The following PXDNL variants were observed in gnomAD, a reference collection of about 807,000 sequenced individuals.
PXDNL encodes probable oxidoreductase PXDNL.
In PXDNL, 145 loss-of-function variants were observed where a neutral mutation model predicts 150.8. The observed-to-expected ratio is 0.96, with a 90% CI of 0.84 to 1.10. The LOEUF (loss-of-function observed/expected upper bound fraction) is 1.10, where lower values mean the gene tolerates loss of function less well. PXDNL is among the 50% of genes least tolerant of loss of function. The probability of loss-of-function intolerance (pLI) is 0.00; values close to 1 mark genes in which losing one functional copy is unlikely to be tolerated. For synonymous variants in PXDNL, 757 were observed against 725.7 expected (o/e 1.04, Z -0.69); for missense variants, 2,087 against 1,873.9 (o/e 1.11, Z -2.10).
rs1186283959 is a variant in PXDNL, at chr8:51,339,746, C to T, written c.4024G>A (p.Asp1342Asn). The T allele has an allele frequency of 1.3e-6, 2 of 1,595,260 alleles. No individual in the cohort carries two copies. The highest frequency in any genetic ancestry group is 2.7e-5 in the African/African-American group (2 of 73,878). ...ELSHLRSRQQ[D>N]KIYVGEDARN... ...GCATCTTCACCCACATATATTTTAT[C>T]TTGTTGCCTATTTATAACAAGAAGC... Residue 1342 changes from aspartate to asparagine, a missense_variant, in exon 21 of 23, where the codon GAT becomes AAT. Transcript: ENST00000356297.
intron 14 of PXDNL, among the ~76,000 whole-genome samples, chr8:51,418,333 C>T (rs1808856170): frequency 6.6e-6 from 1 of 152,098 alleles, no homozygotes; most frequent in African/African-American, 2.4e-5. Context: ...AATTTATACC[C>T]TATTCAGAGT....
chr8:51,514,034 G>C (rs894668334), intron 4 of PXDNL, among the ~76,000 whole-genome samples: 1 of 152,192 alleles, frequency 6.6e-6, no homozygotes, highest in Non-Finnish European at 1.5e-5. Flanking sequence ...ATACAAATTA[G>C]AGGAGGACAT....
intron 12 of PXDNL, chr8:51,435,570 T>C (rs1199415080): frequency 5.8e-6 from 1 of 171,204 alleles, no homozygotes; most frequent in Non-Finnish European, 1.4e-5. Flanking sequence ...AAGATGTAGA[T>C]AATGAGAACA....
intron 3 of PXDNL, among the ~76,000 whole-genome samples, chr8:51,573,696 A>G (rs1812992010): frequency 6.6e-6 from 1 of 151,968 alleles, no homozygotes; most frequent in Admixed American, 6.6e-5. Flanking sequence ...TTTGACAGCA[A>G]TGTAGGAGGA....
chr8:51,320,751 G>A (rs767224230), intron 22 of PXDNL, 33 bp downstream of exon 22: 15 of 1,310,134 alleles, frequency 1.1e-5, no homozygotes, highest in Non-Finnish European at 1.5e-5. Context: ...GAAGTGAAAT[G>A]GGGAGTTGGA....
intron 10 of PXDNL, among the ~76,000 whole-genome samples, chr8:51,450,167 G>A (rs746181597): frequency 1.3e-4 from 20 of 152,188 alleles, no homozygotes; most frequent in Non-Finnish European, 1.5e-5. Flanking sequence ...GCTGGTAGGA[G>A]TGTTTTGTAA....
At chr8:51,604,248 C>A (rs1451504659) in intron 2 of PXDNL, among the ~76,000 whole-genome samples, 1 of 152,082 alleles carries the variant, frequency 6.6e-6, no homozygotes, top group East Asian at 1.9e-4. Flanking sequence ...TGGAACCAAC[C>A]CAAATGTCCA....
At chr8:51,640,163 C>T (rs1170920193) in intron 2 of PXDNL, among the ~76,000 whole-genome samples, 1 of 152,112 alleles carries the variant, frequency 6.6e-6, no homozygotes, top group Non-Finnish European at 1.5e-5. Flanking sequence ...ACCCTTCATG[C>T]TAAAAACTCT....
At chr8:51,349,303 A>T (rs769491835) in intron 19 of PXDNL, among the ~76,000 whole-genome samples, 1 of 152,126 alleles carries the variant, frequency 6.6e-6, no homozygotes, top group Non-Finnish European at 1.5e-5. Context: ...GTTCTTCCCT[A>T]TGCAGCACCT....
chr8:51,683,123 G>T (rs1270799887), intron 1 of PXDNL, among the ~76,000 whole-genome samples: 2 of 134,098 alleles, frequency 1.5e-5, no homozygotes, highest in African/African-American at 5.5e-5. Flanking sequence ...GTGTACAAGG[G>T]TTCCAATTTC....
At chr8:51,775,000 C>T (rs994466151) in intron 1 of PXDNL, among the ~76,000 whole-genome samples, 10 of 152,104 alleles carry the variant, frequency 6.6e-5, no homozygotes, top group African/African-American at 2.4e-4. Flanking sequence ...CAAGAGGTTT[C>T]TGAAAGTCTA....
At chr8:51,337,508 C>A (rs1376940432) in intron 21 of PXDNL, among the ~76,000 whole-genome samples, 1 of 152,194 alleles carries the variant, frequency 6.6e-6, no homozygotes, top group Admixed American at 6.5e-5. Context: ...AGTTCTCAGT[C>A]ACCCCAACCA....
At chr8:51,412,029 T>A (rs1808666567) in intron 15 of PXDNL, among the ~76,000 whole-genome samples, 1 of 152,238 alleles carries the variant, frequency 6.6e-6, no homozygotes, top group Non-Finnish European at 1.5e-5. Flanking sequence ...GTTGACCTAT[T>A]ATTTATCTTG....
chr8:51,530,877 G>A (rs573762955), intron 4 of PXDNL, among the ~76,000 whole-genome samples: 7 of 151,584 alleles, frequency 4.6e-5, no homozygotes, highest in African/African-American at 1.7e-4. Flanking sequence ...TTCCTAAAAA[G>A]GAAGAACCCT....
intron 1 of PXDNL, among the ~76,000 whole-genome samples, chr8:51,656,585 T>G (rs898163161): frequency 5.3e-5 from 8 of 151,900 alleles, no homozygotes; most frequent in Admixed American, 4.6e-4. Flanking sequence ...TCCTAATAAT[T>G]CTCCCAAAAT....
chr8:51,679,043 G>GA (rs895720839), intron 1 of PXDNL, among the ~76,000 whole-genome samples: 1 of 152,146 alleles, frequency 6.6e-6, no homozygotes, highest in African/African-American at 2.4e-5. Flanking sequence ...TGGTTTGGCA[G>GA]AAAAAACATA....
rs1265543722 is a variant in PXDNL at position 51,389,664 on chromosome 8, T to C, written c.3558-14933A>G. The stretch of plus-strand genomic sequence containing the variant: ...ATTTCTCCCTGGCTTTTAAGTTTCC[T>C]TGTCCTTTGTGACATATAAGAATTG... On this transcript the variant is annotated intron_variant, in intron 17 of 22. Coordinates refer to ENST00000356297, the MANE Select transcript of PXDNL (RefSeq NM_144651.5). Among the ~76,000 whole-genome samples, 3 of 152,346 alleles carry C rather than the reference T, an allele frequency of 2.0e-5. No individual in the cohort carries two copies. The East Asian group carries it at 5.8e-4, about 29-fold the overall frequency.
chr8:51,533,678 G>A (rs1490315909), intron 4 of PXDNL, among the ~76,000 whole-genome samples: 10 of 150,976 alleles, frequency 6.6e-5, no homozygotes, highest in African/African-American at 2.2e-4. Context: ...GTGGAGACGG[G>A]GTTTTGCTGT....
At chr8:51,561,188 A>C (rs1042576035) in intron 3 of PXDNL, among the ~76,000 whole-genome samples, 3 of 151,926 alleles carry the variant, frequency 2.0e-5, no homozygotes, top group African/African-American at 7.2e-5. Flanking sequence ...ACTATGAAAA[A>C]CTGTATGGAG....
Sources: gnomAD v4.1 joint callset for allele counts (sites outside exome capture counted in the v4.1 genomes callset) on GRCh38, gnomAD v4.1.1 for gene constraint, MANE v1.5 for transcripts, NCBI Gene and HGNC (gene_info 2026-07-23, HGNC 2026-07-21) for gene names.